Variants in SLC44A1 observed in about 807,000 individuals in gnomAD.
SLC44A1 encodes the protein choline transporter-like protein 1.
A neutral mutation model predicts 79.3 loss-of-function variants in SLC44A1; 26 were observed. That is an observed-to-expected ratio of 0.33 (90% CI 0.24 to 0.46). The LOEUF is 0.46. Among genes scored for constraint, SLC44A1 ranks in the 20% least tolerant of loss-of-function variants. The pLI is 1.00. For synonymous variants in SLC44A1, 263 were observed against 286.2 expected, an observed-to-expected ratio of 0.92 and a Z score of 0.82; for missense variants, 688 against 798.1, an observed-to-expected ratio of 0.86 and a Z score of 1.66.
At chr9:105,272,005 G>A (rs1830090405) in intron 1 of SLC44A1, among the ~76,000 whole-genome samples, 1 of 152,122 alleles carries the variant, frequency 6.6e-6, no homozygotes, top group Non-Finnish European at 1.5e-5. Context: ...AAATTATTTT[G>A]TTATGTTTTA....
chr9:105,396,356 T>G lies in SLC44A1; in HGVS notation c.*7300T>G. On this transcript the variant is annotated 3_prime_UTR_variant, in exon 16 of 16. Transcript: ENST00000374720. The stretch of plus-strand genomic sequence containing the variant: ...TTTAACAAAAAGGCAGGGAGAAAAG[T>G]GTGAAGGGCATCAAGCAAAATGACA... 2 of 985,368 alleles carry G rather than the reference T, an allele frequency of 2.0e-6. No homozygotes were observed. Among genetic ancestry groups the G allele is most frequent in the Non-Finnish European group, 2.4e-6 (2 of 829,920 alleles). 61.0% of individuals were successfully genotyped at this position (985,368 alleles called of 1,614,324 possible). A position where few individuals can be genotyped will look rare whatever the true frequency, so the allele number is the denominator to read the frequency against.
chr9:105,424,144 C>A (rs985540809), intron 15 of SLC44A1, among the ~76,000 whole-genome samples: 11 of 152,258 alleles, frequency 7.2e-5, no homozygotes, highest in African/African-American at 2.6e-4. Flanking sequence ...AGATCCTGAA[C>A]ACCAGGCTCC....
intron 1 of SLC44A1, among the ~76,000 whole-genome samples, chr9:105,252,847 TATAGC>T: frequency 6.6e-6 from 1 of 152,366 alleles, no homozygotes; most frequent in South Asian, 2.1e-4. Flanking sequence ...TTATTTGGAA[TATAGC>T]ATAGCATAAT....
chr9:105,350,766 A>G (rs1342757229), intron 5 of SLC44A1, among the ~76,000 whole-genome samples: 3 of 152,220 alleles, frequency 2.0e-5, no homozygotes, highest in East Asian at 3.8e-4. Context: ...GATAATATAC[A>G]TTAAACATCT....
At chr9:105,298,690 G>A (rs1830794502) in intron 1 of SLC44A1, among the ~76,000 whole-genome samples, 12 of 152,172 alleles carry the variant, frequency 7.9e-5, no homozygotes. Flanking sequence ...TCCTAGAAGA[G>A]AACATATATA....
chr9:105,291,777 A>C (rs890492972), intron 1 of SLC44A1, among the ~76,000 whole-genome samples: 1 of 152,194 alleles, frequency 6.6e-6, no homozygotes, highest in Non-Finnish European at 1.5e-5. Context: ...TTTGCTTGTC[A>C]TGAGGTATAG....
intron 15 of SLC44A1, among the ~76,000 whole-genome samples, chr9:105,405,729 T>C (rs1044818918): frequency 6.6e-6 from 1 of 152,170 alleles, no homozygotes; most frequent in African/African-American, 2.4e-5. Flanking sequence ...TTGTGTCACA[T>C]GCCTCAGAAG....
Position 105,358,417 on chromosome 9 carries a change from C to A in SLC44A1, c.744C>A (p.Val248=). 6.3e-7 allele frequency: 1 copy of A among 1,584,088 alleles called. No homozygotes were observed. The highest frequency in any genetic ancestry group is 8.7e-7 in the Non-Finnish European group (1 of 1,153,322). ...TTGTGTGGATCTTAACGATTCTGGT[C>A]ATACTCGGTTCACTTGGTAAGCTAT... ...RVLVWILTIL[V]ILGSLGGTGV... Residue 248 remains valine (V), a synonymous_variant, in exon 7 of 16, where the codon GTC becomes GTA. Coordinates refer to ENST00000374720, the MANE Select transcript of SLC44A1 (RefSeq NM_080546.5).
At chr9:105,340,370 G>T (rs187657731) in intron 4 of SLC44A1, among the ~76,000 whole-genome samples, 1 of 152,330 alleles carries the variant, frequency 6.6e-6, no homozygotes, top group African/African-American at 2.4e-5. Flanking sequence ...AGTTGCCAGG[G>T]TGGCAGGGAG....
intron 1 of SLC44A1, among the ~76,000 whole-genome samples, chr9:105,283,548 A>T (rs1017737903): frequency 2.6e-5 from 4 of 152,220 alleles, no homozygotes; most frequent in African/African-American, 9.7e-5. Context: ...ATCATAAGAC[A>T]CACCTATCAA....
chr9:105,329,332 C>G (rs564830897), intron 3 of SLC44A1, among the ~76,000 whole-genome samples: 47 of 152,288 alleles, frequency 3.1e-4, no homozygotes, highest in African/African-American at 1.1e-3. Flanking sequence ...TGCTTTCCAG[C>G]TTTAGTGCTG....
At chr9:105,252,407 A>G (rs114844291) in intron 1 of SLC44A1, among the ~76,000 whole-genome samples, 282 of 152,114 alleles carry the variant, frequency 1.9e-3, no homozygotes, top group African/African-American at 6.4e-3. Context: ...AGGTGATTGA[A>G]CTCCTACCTT....
rs890106944 is a variant in SLC44A1 at position 105,351,673 on chromosome 9, A to AGAAAGAAAGAAAGAAAGAAC, written c.500+3225_500+3226insAGAAAGAAAGAAAGAACGAA. On this transcript the variant is annotated intron_variant, in intron 5 of 15. Coordinates refer to ENST00000374720, the MANE Select transcript of SLC44A1 (RefSeq NM_080546.5). ...AAGAAAGAAAGAAAGAAAGAAAGAA[A>AGAAAGAAAGAAAGAAAGAAC]GAACCAAGAAAAAAATGTTATCTGT... Among the ~76,000 whole-genome samples the AGAAAGAAAGAAAGAAAGAAC allele has an allele frequency of 3.1e-3, 451 of 146,618 alleles. 3 individuals carry two copies. The highest frequency in any genetic ancestry group is 7.1e-3 in the Middle Eastern group (2 of 282).
chr9:105,259,519 A>G (rs190676240), intron 1 of SLC44A1, among the ~76,000 whole-genome samples: 11 of 152,348 alleles, frequency 7.2e-5, no homozygotes, highest in Middle Eastern at 3.4e-3. Context: ...CCATCAGAGC[A>G]AGAGCTGGAA....
intron 3 of SLC44A1, among the ~76,000 whole-genome samples, chr9:105,323,215 C>CAAAAA (rs575818228): frequency 7.8e-5 from 6 of 76,520 alleles, no homozygotes; most frequent in East Asian, 1.2e-3. Flanking sequence ...AACTCCATCT[C>CAAAAA]AAAAAAAAAA....
intron 13 of SLC44A1, among the ~76,000 whole-genome samples, chr9:105,377,603 A>C (rs1277366227): frequency 6.6e-6 from 1 of 151,530 alleles, no homozygotes; most frequent in Non-Finnish European, 1.5e-5. Context: ...AAAAATACAA[A>C]AAAAAAAAAA....
At chr9:105,328,137 T>C (rs1237223848) in intron 3 of SLC44A1, among the ~76,000 whole-genome samples, 1 of 152,234 alleles carries the variant, frequency 6.6e-6, no homozygotes, top group African/African-American at 2.4e-5. Flanking sequence ...GCTTCTTCTT[T>C]ATTCCAGGCA....
intron 3 of SLC44A1, among the ~76,000 whole-genome samples, chr9:105,329,772 C>T (rs1286046468): frequency 6.6e-6 from 1 of 152,098 alleles, no homozygotes; most frequent in Admixed American, 6.6e-5. Context: ...TTTCATGATT[C>T]TGTGCTTTTA....
chr9:105,334,063 C>G (rs1029939252), intron 3 of SLC44A1, among the ~76,000 whole-genome samples: 19 of 152,200 alleles, frequency 1.2e-4, no homozygotes, highest in African/African-American at 4.6e-4. Context: ...CTTGTTTCTA[C>G]TCAGAAGTTG....
Sources: allele counts gnomAD v4.1 joint callset (sites outside exome capture counted in the v4.1 genomes callset), GRCh38; gene constraint gnomAD v4.1.1; transcripts MANE v1.5; gene names NCBI Gene and HGNC (gene_info 2026-07-23, HGNC 2026-07-21).